Variants in TMTC3 observed in about 807,000 individuals in gnomAD.
TMTC3 encodes transmembrane O-mannosyltransferase targeting cadherins 3, also known as protein O-mannosyl-transferase TMTC3.
Under a neutral mutation model 92.2 loss-of-function variants are expected in TMTC3, and 52 were observed. The observed-to-expected ratio is 0.56, with a 90% CI of 0.45 to 0.71. The LOEUF is 0.71. Among genes scored for constraint, TMTC3 ranks in the 30% least tolerant of loss-of-function variants. TMTC3 has a pLI of 0.00. For missense variants in TMTC3, 896 were observed against 1,057.1 expected (o/e 0.85, Z 2.11); for synonymous variants, 339 against 363.3 (o/e 0.93, Z 0.76).
chr12:88,144,423 C>G (rs56157840), intron 1 of TMTC3, among the ~76,000 whole-genome samples: 2 of 150,190 alleles, frequency 1.3e-5, no homozygotes, highest in Non-Finnish European at 3.0e-5. Flanking sequence ...TTTTTTCATT[C>G]GTTATAACTT....
intron 2 of TMTC3, among the ~76,000 whole-genome samples, chr12:88,151,733 A>G (rs1199530296): frequency 6.6e-6 from 1 of 152,208 alleles, no homozygotes; most frequent in Non-Finnish European, 1.5e-5. Flanking sequence ...TATATGTTCC[A>G]TTGTAGCCAC....
At chr12:88,181,579 T>G (rs1251805052) in intron 10 of TMTC3, among the ~76,000 whole-genome samples, 2 of 151,842 alleles carry the variant, frequency 1.3e-5, no homozygotes, top group African/African-American at 4.8e-5. Flanking sequence ...TGGGCTCGAG[T>G]ATGTGTGTTA....
intron 10 of TMTC3, among the ~76,000 whole-genome samples, chr12:88,178,750 G>A (rs1279096412): frequency 6.6e-6 from 1 of 152,144 alleles, no homozygotes; most frequent in African/African-American, 2.4e-5. Context: ...AGTTTTTAGA[G>A]AAGCAGCCAT....
chr12:88,154,227 A>G (rs1260974419), intron 3 of TMTC3, 61 bp from the exon 4 acceptor site: 1 of 1,149,690 alleles, frequency 8.7e-7, no homozygotes, highest in Non-Finnish European at 1.3e-6. Flanking sequence ...TTACCATTAT[A>G]TATAGTAATT....
chr12:88,190,627 C>G lies in TMTC3; in HGVS notation c.1706+5C>G, dbSNP rs764816400. 1 of 1,612,460 alleles carries G rather than the reference C, an allele frequency of 6.2e-7. No homozygotes were observed. Among genetic ancestry groups the G allele is most frequent in the African/African-American group, 1.3e-5 (1 of 74,876 alleles). The stretch of plus-strand genomic sequence containing the variant: ...CAAGCAGGCTTACATTAGCAGGTAT[C>G]CCAGTTCAACTTTAAGCTATCATTA... On this transcript the variant is annotated splice_donor_5th_base_variant and intron_variant, in intron 12 of 13. Coordinates refer to ENST00000266712, the MANE Select transcript of TMTC3 (RefSeq NM_181783.4).
At chr12:88,191,978 G>T (rs989809278) in intron 12 of TMTC3, among the ~76,000 whole-genome samples, 4 of 150,752 alleles carry the variant, frequency 2.7e-5, no homozygotes, top group African/African-American at 7.4e-5. Flanking sequence ...CAAAGTGCTG[G>T]GATTACAGGA....
rs563899132 is a variant in TMTC3 at position 88,197,304 on chromosome 12, C to G, written c.*1655C>G. 9 of 134,640 alleles carry G rather than the reference C, an allele frequency of 6.7e-5. No individual in the cohort carries two copies. The South Asian group carries it at 2.2e-3, about 32-fold the overall frequency. The allele number at this position is 134,640 out of a possible 1,614,324, so 8.3% of individuals were successfully genotyped here. On this transcript the variant is annotated 3_prime_UTR_variant, in exon 14 of 14. Transcript: ENST00000266712. ...TTTTTTAGGTAGTTTAAAGCAAGCACTGATACCAGTGGGAGTTGGTCTTGA... is the reference window on the plus strand; with the variant it reads ...TTTTTTAGGTAGTTTAAAGCAAGCAGTGATACCAGTGGGAGTTGGTCTTGA...
At chr12:88,167,185 A>G (rs565339461) in intron 7 of TMTC3, among the ~76,000 whole-genome samples, 11 of 152,162 alleles carry the variant, frequency 7.2e-5, no homozygotes, top group African/African-American at 2.4e-4. Context: ...ATTTGAGGCC[A>G]GGAGTTTGAG....
chr12:88,172,888 G>A, intron 8 of TMTC3, 143 bp downstream of exon 8: 1 of 1,501,582 alleles, frequency 6.7e-7, no homozygotes. Flanking sequence ...CATTTGTCTT[G>A]TAAGTCAAGT....
rs1333707718 is a variant in TMTC3, at chr12:88,154,374, A to G, written c.495A>G (p.Pro165=). The change falls in exon 4 of 14, where the codon CCA becomes CCG. Residue 165 remains proline (P), a synonymous_variant. Transcript: ENST00000266712. ...TGTCATATACCAGATCAAAAGGACC[A>G]GACAATTCCATAAGTACATGTCTCA... is the stretch of plus-strand genomic sequence containing the variant. ...AFLSYTRSKG[P]DNSIIWTPIA... 6.3e-7 allele frequency: 1 copy of G among 1,597,208 alleles called. No homozygotes were observed.
intron 10 of TMTC3, among the ~76,000 whole-genome samples, chr12:88,185,311 T>C (rs1050645652): frequency 6.6e-6 from 1 of 152,088 alleles, no homozygotes; most frequent in African/African-American, 2.4e-5. Flanking sequence ...AAATTGTGTA[T>C]GAATGGAATT....
chr12:88,162,388 A>G (rs183835106), intron 6 of TMTC3, among the ~76,000 whole-genome samples: 205 of 152,200 alleles, frequency 1.3e-3, no homozygotes, highest in Admixed American at 4.5e-3. Context: ...GTCTTCAAAT[A>G]TTTTTGCCAT....
chr12:88,159,700 A>G (rs528189443), intron 4 of TMTC3, among the ~76,000 whole-genome samples: 67 of 151,820 alleles, frequency 4.4e-4, no homozygotes, highest in Admixed American at 1.1e-3. Flanking sequence ...ACTTTTCCCA[A>G]TACTTTTAAA....
rs1229152707 is a variant in TMTC3, at chr12:88,199,315, T to G, written c.*3666T>G. On this transcript the variant is annotated 3_prime_UTR_variant, in exon 14 of 14. Transcript: ENST00000266712. ...TACCTATATGTCCTCAGTTTCTTCA[T>G]CTACAAGTTGGGAAAAACATTTTCC... 6.6e-6 allele frequency: 1 copy of G among 151,980 alleles called. No individual in the cohort carries two copies. The highest frequency in any genetic ancestry group is 6.6e-5 in the Admixed American group (1 of 15,236). The allele number at this position is 151,980 out of a possible 1,614,324, so 9.4% of individuals were successfully genotyped here.
At chr12:88,150,477 T>TA (rs1437133952) in intron 2 of TMTC3, among the ~76,000 whole-genome samples, 5 of 152,176 alleles carry the variant, frequency 3.3e-5, no homozygotes, top group African/African-American at 1.2e-4. Context: ...TGTTCAGTGA[T>TA]TTTCTCAGCT....
At chr12:88,182,116 C>T (rs2041324855) in intron 10 of TMTC3, among the ~76,000 whole-genome samples, 2 of 152,180 alleles carry the variant, frequency 1.3e-5, no homozygotes, top group African/African-American at 4.8e-5. Flanking sequence ...TCATCTGCAG[C>T]CTGTATAGGT....
chr12:88,183,504 C>CA (rs1166990056), intron 10 of TMTC3, among the ~76,000 whole-genome samples: 1 of 152,132 alleles, frequency 6.6e-6, no homozygotes, highest in Non-Finnish European at 1.5e-5. Context: ...GGGCCTCAGG[C>CA]AAAACCTCTG....
chr12:88,191,990 C>T (rs916629773), intron 12 of TMTC3, among the ~76,000 whole-genome samples: 4 of 150,386 alleles, frequency 2.7e-5, no homozygotes, highest in East Asian at 3.9e-4. Context: ...ATTACAGGAA[C>T]GAGCCACCAT....
intron 8 of TMTC3, among the ~76,000 whole-genome samples, chr12:88,174,344 T>C (rs2041236458): frequency 6.6e-6 from 1 of 152,114 alleles, no homozygotes; most frequent in African/African-American, 2.4e-5. Context: ...TTTCCATTTT[T>C]TATCATTTAT....
Sources: allele counts gnomAD v4.1 joint callset (sites outside exome capture counted in the v4.1 genomes callset), GRCh38; gene constraint gnomAD v4.1.1; transcripts MANE v1.5; gene names NCBI Gene and HGNC (gene_info 2026-07-23, HGNC 2026-07-21).